Variants in ANKRD11 observed in about 807,000 individuals in gnomAD.
The protein encoded by ANKRD11 is ankyrin repeat domain 11.
In ANKRD11, 17 loss-of-function variants were observed where a neutral mutation model predicts 195.7. The observed-to-expected ratio is 0.09, with a 90% CI of 0.06 to 0.13. The LOEUF is 0.13. ANKRD11 is among the 10% of genes least tolerant of loss of function. ANKRD11 has a pLI of 1.00. For synonymous variants in ANKRD11, 1,953 were observed against 1,528.1 expected (o/e 1.28, Z -6.49); for missense variants, 3,735 against 3,566.1 (o/e 1.05, Z -1.21).
chr16:89,442,727 C>G (rs1597420720), intron 1 of ANKRD11, among the ~76,000 whole-genome samples: 1 of 152,188 alleles, frequency 6.6e-6, no homozygotes, highest in Non-Finnish European at 1.5e-5. Context: ...TGCTGGAACC[C>G]AGACACGCAC....
intron 2 of ANKRD11, among the ~76,000 whole-genome samples, chr16:89,360,997 C>T (rs1280529863): frequency 6.6e-6 from 1 of 152,152 alleles, no homozygotes; most frequent in Non-Finnish European, 1.5e-5. Flanking sequence ...CAGATGGATC[C>T]GATCCAACTC....
At chr16:89,375,464 CT>C (rs11296503) in intron 2 of ANKRD11, among the ~76,000 whole-genome samples, 144,292 of 149,220 alleles carry the variant, frequency 0.97, 69,790 homozygotes, top group East Asian at 1. Flanking sequence ...GACTCTATCT[CT>C]TTTTTTTTTT....
chr16:89,269,624 GT>G (rs994620992), intron 12 of ANKRD11, among the ~76,000 whole-genome samples: 1 of 149,914 alleles, frequency 6.7e-6, no homozygotes, highest in Non-Finnish European at 1.5e-5. Context: ...TATCCCTAAG[GT>G]TTTTTTTTAA....
intron 2 of ANKRD11, among the ~76,000 whole-genome samples, chr16:89,357,451 AAC>A (rs1328931694): frequency 4.6e-5 from 7 of 152,200 alleles, no homozygotes; most frequent in Admixed American, 1.3e-4. Flanking sequence ...GCCAAAAAAA[AAC>A]AGTGTGACGA....
chr16:89,428,040 T>A (rs2152261211), intron 1 of ANKRD11, among the ~76,000 whole-genome samples: 1 of 151,128 alleles, frequency 6.6e-6, no homozygotes, highest in Admixed American at 6.6e-5. Flanking sequence ...AAACGCCATC[T>A]CTAATAAAAA....
chr16:89,312,849 C>G (rs1287260887), intron 3 of ANKRD11, among the ~76,000 whole-genome samples: 1 of 152,188 alleles, frequency 6.6e-6, no homozygotes, highest in Non-Finnish European at 1.5e-5. Context: ...AGCTTCTCAG[C>G]TAAGGTCACT....
chr16:89,287,072 G>C, intron 7 of ANKRD11: 1 of 1,289,842 alleles, frequency 7.8e-7, no homozygotes, highest in Non-Finnish European at 1.0e-6. Flanking sequence ...AGAGGTCAAG[G>C]TGCTGGCAGG....
intron 1 of ANKRD11, among the ~76,000 whole-genome samples, chr16:89,445,186 T>G (rs2043729542): frequency 6.6e-6 from 1 of 152,266 alleles, no homozygotes; most frequent in Non-Finnish European, 1.5e-5. Context: ...AGCTAAGCCC[T>G]TATCCATGTG....
At chr16:89,313,042 T>C (rs1017311679) in intron 3 of ANKRD11, among the ~76,000 whole-genome samples, 4 of 152,150 alleles carry the variant, frequency 2.6e-5, no homozygotes, top group Non-Finnish European at 4.4e-5. Flanking sequence ...TCCATGCCCA[T>C]GGACGCCATC....
chr16:89,405,433 C>T (rs1464887022), intron 2 of ANKRD11, among the ~76,000 whole-genome samples: 1 of 151,922 alleles, frequency 6.6e-6, no homozygotes, highest in Non-Finnish European at 1.5e-5. Context: ...AGGCGATCCT[C>T]CCACCTCGGC....
intron 1 of ANKRD11, among the ~76,000 whole-genome samples, chr16:89,430,110 ACGCT>A: frequency 8.8e-6 from 1 of 113,788 alleles, no homozygotes; most frequent in African/African-American, 3.5e-5. Context: ...CTCAACTCTC[ACGCT>A]CAGACGTTCT....
rs972565496 is a variant in ANKRD11 at position 89,276,868 on chromosome 16, C to G, written c.7471-1677G>C. On this transcript the variant is annotated intron_variant, in intron 9 of 12. Transcript: ENST00000301030. ...GTCAGGAGTTTGAGACCAGCCTGAC[C>G]AACATGGTGAAACCCTGTCTCTACA... 9.2e-5 allele frequency among the ~76,000 whole-genome samples: 14 copies of G among 152,112 alleles called. No homozygotes were observed. The South Asian group carries it at 1.9e-3, about 20-fold the overall frequency.
Position 89,275,207 on chromosome 16 carries a change from G to A in ANKRD11, c.7471-16C>T, listed in dbSNP as rs748867889. ...GGGGTGCGATCTACAGGCAAAAGGT[G>A]AGTGTGGGGGGTCAGCTGGGGCTGT... On this transcript the variant is annotated splice_polypyrimidine_tract_variant and intron_variant, in intron 9 of 12. Transcript: ENST00000301030. 3 of 1,593,794 alleles carry A rather than the reference G, an allele frequency of 1.9e-6. No individual in the cohort carries two copies. The South Asian group carries it at 3.4e-5, about 18-fold the overall frequency.
chr16:89,320,431 A>T (rs952155054), intron 2 of ANKRD11: 32 of 152,174 alleles, frequency 2.1e-4, no homozygotes, highest in Non-Finnish European at 2.9e-5. Flanking sequence ...GCCTCAGGCC[A>T]CTGGGGCTGA....
At chr16:89,455,475 A>C (rs1476765679) in intron 1 of ANKRD11, among the ~76,000 whole-genome samples, 1 of 152,096 alleles carries the variant, frequency 6.6e-6, no homozygotes, top group Non-Finnish European at 1.5e-5. Context: ...CAAACCTCAA[A>C]ACACACCAGG....
Position 89,290,825 on chromosome 16 carries a change from T to C in ANKRD11, c.401A>G (p.Asp134Gly), listed in dbSNP as rs1173365720. 2 of 1,613,570 alleles carry C rather than the reference T, an allele frequency of 1.2e-6. No individual in the cohort carries two copies. Among genetic ancestry groups the C allele is most frequent in the Admixed American group, 1.7e-5 (1 of 60,026 alleles). ...CTGGGAGGGGTGCTTTGGTGTTGTG[T>C]CCACTGCAGGCCAAGGAGGGGACAG... ...TAEESANSPVDTTPKHPSQST... is the reference protein window; with the variant it reads ...TAEESANSPVGTTPKHPSQST... The change falls in exon 6 of 13, where the codon GAC becomes GGC. Residue 134 changes from aspartate to glycine, a missense_variant. Transcript: ENST00000301030.
intron 2 of ANKRD11, among the ~76,000 whole-genome samples, chr16:89,406,806 C>T (rs1017254606): frequency 6.6e-6 from 1 of 152,174 alleles, no homozygotes; most frequent in Non-Finnish European, 1.5e-5. Flanking sequence ...ACAGGGTGCC[C>T]TCCGGGAGGC....
chr16:89,316,048 C>T (rs982153154), intron 3 of ANKRD11, among the ~76,000 whole-genome samples: 4 of 152,014 alleles, frequency 2.6e-5, no homozygotes, highest in African/African-American at 9.7e-5. Flanking sequence ...CACAGATGAA[C>T]GGCCTGCCAC....
At chr16:89,344,559 T>C (rs1026353738) in intron 2 of ANKRD11, among the ~76,000 whole-genome samples, 2 of 152,254 alleles carry the variant, frequency 1.3e-5, no homozygotes, top group Non-Finnish European at 2.9e-5. Flanking sequence ...CCTCCTTGTC[T>C]GAACGCTGCC....
Sources: allele counts gnomAD v4.1 joint callset (sites outside exome capture counted in the v4.1 genomes callset), GRCh38; gene constraint gnomAD v4.1.1; transcripts MANE v1.5; gene names NCBI Gene and HGNC (gene_info 2026-07-23, HGNC 2026-07-21).